The following KLHL8 variants were observed in gnomAD, a reference collection of about 807,000 sequenced individuals.
The protein encoded by KLHL8 is kelch-like protein 8.
Under a neutral mutation model 63.5 loss-of-function variants are expected in KLHL8, and 38 were observed. That is an observed-to-expected ratio of 0.60 (90% CI 0.46 to 0.78). KLHL8 has a LOEUF of 0.78. KLHL8 is among the 30% of genes least tolerant of loss of function. KLHL8 has a pLI of 0.00. For missense variants in KLHL8, 566 were observed against 752.4 expected (o/e 0.75, Z 2.90); for synonymous variants, 224 against 254.3 (o/e 0.88, Z 1.13).
intron 4 of KLHL8, among the ~76,000 whole-genome samples, chr4:87,182,252 T>A (rs1245516816): frequency 7.8e-5 from 9 of 115,522 alleles, no homozygotes; most frequent in South Asian, 2.9e-4. Flanking sequence ...AAAAAAAAAA[T>A]TACTTACTTA....
chr4:87,216,309 C>T (rs1440224601), intron 1 of KLHL8, among the ~76,000 whole-genome samples: 1 of 152,156 alleles, frequency 6.6e-6, no homozygotes, highest in African/African-American at 2.4e-5. Flanking sequence ...ATACTCAGTG[C>T]TTCAAAAATA....
intron 1 of KLHL8, among the ~76,000 whole-genome samples, chr4:87,204,097 G>A (rs991484620): frequency 1.3e-5 from 2 of 152,114 alleles, no homozygotes; most frequent in Non-Finnish European, 2.9e-5. Flanking sequence ...AGTGGTGTGC[G>A]CTTGTAGTCT....
intron 1 of KLHL8, among the ~76,000 whole-genome samples, chr4:87,198,744 T>C (rs1252116738): frequency 6.6e-6 from 1 of 152,228 alleles, no homozygotes; most frequent in Non-Finnish European, 1.5e-5. Flanking sequence ...TCTGCAGTAG[T>C]GATCATATGA....
intron 1 of KLHL8, among the ~76,000 whole-genome samples, chr4:87,237,437 G>C (rs1733251674): frequency 6.6e-6 from 1 of 152,000 alleles, no homozygotes; most frequent in African/African-American, 2.4e-5. Flanking sequence ...AACAAAATGT[G>C]TTTTTTCAAC....
At chr4:87,207,962 C>T in intron 1 of KLHL8, 1 of 807,182 alleles carries the variant, frequency 1.2e-6, no homozygotes, top group Non-Finnish European at 2.2e-6. Flanking sequence ...ACGCACTCTT[C>T]CACCTTCAAT....
chr4:87,212,727 C>G (rs1732450118), intron 1 of KLHL8, among the ~76,000 whole-genome samples: 1 of 152,164 alleles, frequency 6.6e-6, no homozygotes, highest in Non-Finnish European at 1.5e-5. Context: ...TTTATTTTTG[C>G]TGTACCTTTT....
chr4:87,201,307 A>T (rs1317724114), intron 1 of KLHL8, among the ~76,000 whole-genome samples: 1 of 152,234 alleles, frequency 6.6e-6, no homozygotes, highest in Non-Finnish European at 1.5e-5. Context: ...ATAATGACAA[A>T]AGTGTCAATT....
At chr4:87,215,694 C>T (rs189586154) in intron 1 of KLHL8, among the ~76,000 whole-genome samples, 13 of 152,230 alleles carry the variant, frequency 8.5e-5, no homozygotes, top group East Asian at 1.9e-4. Context: ...AAATTCCAAA[C>T]GCTTATTCTT....
At chr4:87,198,437 A>C (rs1230947854) in intron 1 of KLHL8, among the ~76,000 whole-genome samples, 1 of 152,240 alleles carries the variant, frequency 6.6e-6, no homozygotes, top group Non-Finnish European at 1.5e-5. Context: ...ATCACATTAA[A>C]TATAAATAGA....
chr4:87,180,009 A>T (rs1405050846), intron 4 of KLHL8, among the ~76,000 whole-genome samples: 1 of 152,158 alleles, frequency 6.6e-6, no homozygotes, highest in Non-Finnish European at 1.5e-5. Context: ...TCGAGGGGTG[A>T]CCACTTCCTT....
intron 3 of KLHL8, among the ~76,000 whole-genome samples, chr4:87,184,324 TATCATC>T (rs34057137): frequency 3.9e-5 from 6 of 151,962 alleles, no homozygotes; most frequent in South Asian, 4.1e-4. Flanking sequence ...AAAAATGTCT[TATCATC>T]ATACTCTGAA....
At chr4:87,226,619 A>G (rs530760975) in intron 1 of KLHL8, among the ~76,000 whole-genome samples, 22 of 48,824 alleles carry the variant, frequency 4.5e-4, no homozygotes, top group Middle Eastern at 6.0e-3. Flanking sequence ...ATTTATATAA[A>G]TAATATATAT....
chr4:87,170,550 G>C lies in KLHL8; in HGVS notation c.1274C>G (p.Thr425Ser), dbSNP rs1415125879. 1 of 1,614,006 alleles carries C rather than the reference G, an allele frequency of 6.2e-7. No individual in the cohort carries two copies. The highest frequency in any genetic ancestry group is 8.5e-7 in the Non-Finnish European group (1 of 1,179,920). ...ATATCTCTCCACATCATTGAAGCAAGTATTGTCATCTAACCCTCCAATTGC... is the reference window on the plus strand; with the variant it reads ...ATATCTCTCCACATCATTGAAGCAACTATTGTCATCTAACCCTCCAATTGC... Reference protein sequence around the residue: ...IYAIGGLDDNTCFNDVERYDI... With the variant: ...IYAIGGLDDNSCFNDVERYDI... Residue 425 changes from threonine (T) to serine (S), a missense_variant, in exon 7 of 10, where the codon ACT (threonine) becomes AGT (serine). By Grantham distance (58) the Thr-to-Ser change is moderately conservative. Coordinates refer to ENST00000273963, the MANE Select transcript of KLHL8 (RefSeq NM_020803.5).
chr4:87,234,653 T>A (rs1733196314), intron 1 of KLHL8, among the ~76,000 whole-genome samples: 1 of 152,170 alleles, frequency 6.6e-6, no homozygotes, highest in South Asian at 2.1e-4. Context: ...ATGTTACTGG[T>A]TTATTTACTA....
At position 87,176,920 on chromosome 4, in the gene KLHL8, C is replaced by A. The variant is rs571399398; in HGVS notation, c.1097-52G>T. ...TGACTCCAAACAAATAAATTCATAT[C>A]ATTAATGTTACATATATAAACATTA... is the stretch of plus-strand genomic sequence containing the variant. On this transcript the variant is annotated intron_variant, in intron 5 of 9. Coordinates refer to ENST00000273963, the MANE Select transcript of KLHL8 (RefSeq NM_020803.5). The A allele has an allele frequency of 2.8e-5, 25 of 877,540 alleles. No homozygotes were observed. The African/African-American group carries it at 3.7e-4, about 13-fold the overall frequency. 54.4% of individuals were successfully genotyped at this position (877,540 alleles called of 1,614,324 possible).
rs777803997 is a variant in KLHL8 at position 87,170,488 on chromosome 4, T to C, written c.1336A>G (p.Met446Val). The C allele has an allele frequency of 3.7e-6, 6 of 1,611,722 alleles. No individual in the cohort carries two copies. Among genetic ancestry groups the C allele is most frequent in the South Asian group, 3.3e-5 (3 of 90,208 alleles). The change falls in exon 7 of 10, where the codon ATG (methionine) becomes GTG (valine). Residue 446 changes from methionine (M) to valine (V), a missense_variant. By Grantham distance (21) the Met-to-Val change is conservative. Transcript: ENST00000273963. ...CCAACTCCTCCACGGGGAGTATTCATTGGTGCCACTGTACTCCACTGATCA... is the reference window on the plus strand; with the variant it reads ...CCAACTCCTCCACGGGGAGTATTCACTGGTGCCACTGTACTCCACTGATCA... ...ESDQWSTVAPMNTPRGGVGSV... is the reference protein window; with the variant it reads ...ESDQWSTVAPVNTPRGGVGSV...
chr4:87,233,715 A>G (rs973424521), intron 1 of KLHL8, among the ~76,000 whole-genome samples: 2 of 152,136 alleles, frequency 1.3e-5, no homozygotes, highest in Non-Finnish European at 2.9e-5. Flanking sequence ...TGAATTTTAC[A>G]TTGTATATTT....
chr4:87,218,833 C>G (rs1578405489), intron 1 of KLHL8, among the ~76,000 whole-genome samples: 1 of 152,094 alleles, frequency 6.6e-6, no homozygotes, highest in Admixed American at 6.5e-5. Context: ...CTCCCGGGTT[C>G]AAGCCATTCT....
rs1411699141 is a variant in KLHL8 at position 87,161,311 on chromosome 4, T to C, written c.*2208A>G. 6.6e-6 allele frequency: 1 copy of C among 152,368 alleles called. No homozygotes were observed. The highest frequency in any genetic ancestry group is 6.5e-5 in the Admixed American group (1 of 15,276). The allele number at this position is 152,368 out of a possible 1,614,324, so 9.4% of individuals were successfully genotyped here. ...CACCCACCTCGGCCTCCCAAAGTGC[T>C]GGGATCACAGGCGTGAGCCACCATG... On this transcript the variant is annotated 3_prime_UTR_variant, in exon 10 of 10. Transcript: ENST00000273963.
Sources: gnomAD v4.1 joint callset for allele counts (sites outside exome capture counted in the v4.1 genomes callset) on GRCh38, gnomAD v4.1.1 for gene constraint, MANE v1.5 for transcripts, NCBI Gene and HGNC (gene_info 2026-07-23, HGNC 2026-07-21) for gene names.